Variants in DAAM1 observed in about 807,000 individuals in gnomAD.
DAAM1 encodes dishevelled associated activator of morphogenesis 1.
Under a neutral mutation model 130.0 loss-of-function variants are expected in DAAM1, and 52 were observed. The ratio of observed to expected loss-of-function variants is 0.40; its 90% confidence interval spans 0.32 to 0.50. DAAM1 has a LOEUF of 0.50. DAAM1 is among the 20% of genes least tolerant of loss of function. DAAM1 has a pLI of 0.61. For missense variants in DAAM1, 1,134 were observed against 1,303.8 expected, an observed-to-expected ratio of 0.87 and a Z score of 2.01; for synonymous variants, 452 against 444.5, an observed-to-expected ratio of 1.02 and a Z score of -0.21.
intron 3 of DAAM1, among the ~76,000 whole-genome samples, chr14:59,300,931 C>G (rs1055452991): frequency 5.3e-5 from 8 of 152,086 alleles, no homozygotes; most frequent in Non-Finnish European, 1.2e-4. Context: ...CATGTTTGTG[C>G]ATATGTTCAA....
intron 2 of DAAM1, among the ~76,000 whole-genome samples, chr14:59,285,388 A>G (rs1883398386): frequency 6.6e-6 from 1 of 152,190 alleles, no homozygotes; most frequent in Non-Finnish European, 1.5e-5. Flanking sequence ...AAGTCTACAT[A>G]ACAACCAGCT....
At chr14:59,245,222 C>CT (rs1881318223) in intron 1 of DAAM1, among the ~76,000 whole-genome samples, 1 of 152,144 alleles carries the variant, frequency 6.6e-6, no homozygotes, top group South Asian at 2.1e-4. Context: ...CATACCACCT[C>CT]TTATTTTGGC....
rs376531464 is a variant in DAAM1, at chr14:59,325,881, G to T, written c.1057-79G>T. The T allele has an allele frequency of 3.5e-5, 54 of 1,538,230 alleles. No homozygotes were observed. The South Asian group carries it at 5.0e-4, about 14-fold the overall frequency. ...TTCCTAAGTGGCAGGATTAGCTTCT[G>T]TTTGCTTTGAGTTTACTTTACACTG... On this transcript the variant is annotated intron_variant, in intron 9 of 24. Coordinates refer to ENST00000360909, the MANE Select transcript of DAAM1 (RefSeq NM_001270520.2).
chr14:59,268,042 A>G (rs1324138052), intron 2 of DAAM1, among the ~76,000 whole-genome samples: 1 of 151,818 alleles, frequency 6.6e-6, no homozygotes. Context: ...AGCTGGGACC[A>G]CAAGCACGCA....
intron 2 of DAAM1, among the ~76,000 whole-genome samples, chr14:59,271,337 G>A (rs1342188962): frequency 1.3e-5 from 2 of 151,782 alleles, no homozygotes; most frequent in Non-Finnish European, 2.9e-5. Context: ...GGTAGTGATG[G>A]TGGATACTGT....
At chr14:59,270,050 G>A (rs2139519864) in intron 2 of DAAM1, among the ~76,000 whole-genome samples, 1 of 152,268 alleles carries the variant, frequency 6.6e-6, no homozygotes, top group Admixed American at 6.5e-5. Flanking sequence ...CAAATATAAT[G>A]AAGTACATCA....
At chr14:59,292,102 C>T (rs1293190427) in intron 3 of DAAM1, among the ~76,000 whole-genome samples, 1 of 152,070 alleles carries the variant, frequency 6.6e-6, no homozygotes, top group East Asian at 1.9e-4. Flanking sequence ...TATCCCTACA[C>T]CCATTTTGGG....
chr14:59,202,892 A>AT (rs551873023), intron 1 of DAAM1, among the ~76,000 whole-genome samples: 118 of 152,088 alleles, frequency 7.8e-4, no homozygotes, highest in Non-Finnish European at 1.3e-3. Context: ...CTAAATGTTG[A>AT]TTTTGAGTCT....
At position 59,371,306 on chromosome 14, in the gene DAAM1, TTAGA is replaced by T. The variant is rs960650579; in HGVS notation, c.*2451_*2454del. The T allele has an allele frequency of 2.0e-5, 3 of 152,100 alleles. No homozygotes were observed. Among genetic ancestry groups the T allele is most frequent in the African/African-American group, 4.8e-5 (2 of 41,428 alleles). 9.4% of individuals were successfully genotyped at this position (152,100 alleles called of 1,614,324 possible). On this transcript the variant is annotated 3_prime_UTR_variant, in exon 25 of 25. Coordinates refer to ENST00000360909, the MANE Select transcript of DAAM1 (RefSeq NM_001270520.2). ...TTAGTCTTTAGGTGCAAGACTGTTG[TTAGA>T]TAGTACTGAGAAAAAAAAAGTATGT...
chr14:59,249,119 A>G (rs1298502556), intron 1 of DAAM1, among the ~76,000 whole-genome samples: 4 of 152,080 alleles, frequency 2.6e-5, no homozygotes, highest in Non-Finnish European at 5.9e-5. Context: ...TCAAGGCTCT[A>G]CTTTTGTGTG....
chr14:59,203,421 T>G (rs919318879), intron 1 of DAAM1, among the ~76,000 whole-genome samples: 1 of 152,182 alleles, frequency 6.6e-6, no homozygotes, highest in African/African-American at 2.4e-5. Context: ...AAACTGTATC[T>G]CAAAATAAAG....
intron 2 of DAAM1, among the ~76,000 whole-genome samples, chr14:59,274,712 G>A (rs898665462): frequency 2.6e-5 from 4 of 152,198 alleles, no homozygotes; most frequent in Admixed American, 2.6e-4. Flanking sequence ...TCCTGCAGCA[G>A]TTGGGTTTGT....
chr14:59,254,010 C>A (rs1350022375), intron 1 of DAAM1, among the ~76,000 whole-genome samples: 2 of 152,150 alleles, frequency 1.3e-5, no homozygotes, highest in Non-Finnish European at 2.9e-5. Context: ...CTTTTTTAAA[C>A]AATGTCTTTT....
At chr14:59,220,272 G>A (rs571268508) in intron 1 of DAAM1, among the ~76,000 whole-genome samples, 1 of 152,146 alleles carries the variant, frequency 6.6e-6, no homozygotes, top group Non-Finnish European at 1.5e-5. Context: ...AAAGGCAAGG[G>A]TGATATGTTT....
chr14:59,190,160 TCTC>T (rs906916921), intron 1 of DAAM1, among the ~76,000 whole-genome samples: 22 of 152,036 alleles, frequency 1.4e-4, no homozygotes, highest in African/African-American at 5.1e-4. Flanking sequence ...CCAGCTGCTC[TCTC>T]CTCCTCGCCC....
chr14:59,229,985 T>G (rs1003098154), intron 1 of DAAM1, among the ~76,000 whole-genome samples: 1 of 152,232 alleles, frequency 6.6e-6, no homozygotes, highest in Non-Finnish European at 1.5e-5. Context: ...TAAATAAATT[T>G]AGCACTGTCA....
intron 2 of DAAM1, among the ~76,000 whole-genome samples, chr14:59,272,622 C>T (rs1882766399): frequency 7.7e-6 from 1 of 129,116 alleles, no homozygotes. Flanking sequence ...CACACACACA[C>T]ACACACACAT....
chr14:59,278,264 A>T (rs1485763096), intron 2 of DAAM1, among the ~76,000 whole-genome samples: 1 of 152,264 alleles, frequency 6.6e-6, no homozygotes, highest in East Asian at 1.9e-4. Flanking sequence ...ATGAAATGTC[A>T]GGAGGAAGAT....
At chr14:59,330,812 A>G (rs1885398979) in intron 13 of DAAM1, 124 bp downstream of exon 13, 1 of 1,012,858 alleles carries the variant, frequency 9.9e-7, no homozygotes, top group South Asian at 2.0e-5. Context: ...GATTCATCAC[A>G]ATTAGGAGAC....
Sources: allele counts gnomAD v4.1 joint callset (sites outside exome capture counted in the v4.1 genomes callset), GRCh38; gene constraint gnomAD v4.1.1; transcripts MANE v1.5; gene names NCBI Gene and HGNC (gene_info 2026-07-23, HGNC 2026-07-21).